The following SPAG16 variants were observed in gnomAD, a reference collection of about 807,000 sequenced individuals.
SPAG16 encodes the protein sperm-associated antigen 16 protein.
SPAG16 carries 86 observed loss-of-function variants against 80.4 expected under a neutral mutation model. The ratio of observed to expected loss-of-function variants is 1.07; its 90% confidence interval spans 0.90 to 1.28. The LOEUF is 1.28. SPAG16 is among the 50% of genes most tolerant of loss of function. The pLI, the probability that SPAG16 is intolerant of heterozygous loss-of-function variation, is 0.00. For synonymous variants in SPAG16, 294 were observed against 265.9 expected, an observed-to-expected ratio of 1.11 and a Z score of -1.03; for missense variants, 870 against 765.3, an observed-to-expected ratio of 1.14 and a Z score of -1.61.
intron 10 of SPAG16, among the ~76,000 whole-genome samples, chr2:213,712,256 C>G (rs1380035577): frequency 2.0e-5 from 3 of 152,072 alleles, no homozygotes; most frequent in Non-Finnish European, 4.4e-5. Flanking sequence ...CATTTTCACT[C>G]ATTTATTATT....
chr2:213,906,001 A>C (rs916849801), intron 11 of SPAG16, among the ~76,000 whole-genome samples: 2 of 152,158 alleles, frequency 1.3e-5, no homozygotes, highest in African/African-American at 2.4e-5. Context: ...TGAATAAATA[A>C]ATTTCCTGTC....
At chr2:213,586,033 G>C (rs1237764893) in intron 10 of SPAG16, among the ~76,000 whole-genome samples, 1 of 152,054 alleles carries the variant, frequency 6.6e-6, no homozygotes, top group African/African-American at 2.4e-5. Context: ...CATGCATTCA[G>C]ATTCCTATTT....
At chr2:214,010,005 G>T (rs1354199928) in intron 12 of SPAG16, among the ~76,000 whole-genome samples, 1 of 147,778 alleles carries the variant, frequency 6.8e-6, no homozygotes, top group East Asian at 1.9e-4. Flanking sequence ...CCTGAGTAAA[G>T]ATATGAAATC....
chr2:213,877,604 C>G (rs1250893279), intron 11 of SPAG16, among the ~76,000 whole-genome samples: 1 of 152,190 alleles, frequency 6.6e-6, no homozygotes, highest in Non-Finnish European at 1.5e-5. Context: ...CATGTGCCAC[C>G]ACTCCCATCC....
intron 11 of SPAG16, among the ~76,000 whole-genome samples, chr2:213,883,724 C>A (rs2076440503): frequency 6.6e-6 from 1 of 152,132 alleles, no homozygotes; most frequent in Admixed American, 6.5e-5. Flanking sequence ...TTGGGGTAGG[C>A]AAGTCTGCTT....
chr2:213,624,054 A>T (rs539213037), intron 10 of SPAG16, among the ~76,000 whole-genome samples: 1 of 152,184 alleles, frequency 6.6e-6, no homozygotes, highest in African/African-American at 2.4e-5. Context: ...ACACCAATTT[A>T]TGGAAAATGC....
chr2:214,128,193 C>A (rs909059463), intron 14 of SPAG16, among the ~76,000 whole-genome samples: 4 of 151,738 alleles, frequency 2.6e-5, no homozygotes, highest in Non-Finnish European at 5.9e-5. Context: ...GGGGGAAAAC[C>A]TCTCAAGTTA....
intron 14 of SPAG16, among the ~76,000 whole-genome samples, chr2:214,115,171 T>C (rs929080422): frequency 3.3e-5 from 5 of 152,216 alleles, no homozygotes; most frequent in African/African-American, 1.2e-4. Context: ...GTTTTAACAA[T>C]TATGTTTTAT....
intron 10 of SPAG16, among the ~76,000 whole-genome samples, chr2:213,658,681 T>C (rs1340995853): frequency 2.6e-5 from 4 of 152,274 alleles, no homozygotes; most frequent in East Asian, 3.9e-4. Flanking sequence ...CACTTAACCA[T>C]AACTGCCAGG....
chr2:213,850,690 T>A (rs2074856685), intron 10 of SPAG16, among the ~76,000 whole-genome samples: 1 of 86,222 alleles, frequency 1.2e-5, no homozygotes. Flanking sequence ...GAAATTCTGT[T>A]TTTTTTTTTA....
intron 10 of SPAG16, among the ~76,000 whole-genome samples, chr2:213,491,863 C>T (rs778721517): frequency 6.6e-6 from 1 of 152,176 alleles, no homozygotes; most frequent in Non-Finnish European, 1.5e-5. Flanking sequence ...TAACAATCTT[C>T]ACTAGTTAGC....
chr2:213,319,171 A>G (rs1004510340), intron 5 of SPAG16, among the ~76,000 whole-genome samples: 9 of 152,000 alleles, frequency 5.9e-5, no homozygotes, highest in Non-Finnish European at 1.3e-4. Context: ...ATATAGTTAA[A>G]GAGGGCCTTT....
At chr2:213,855,402 C>T (rs769369809) in intron 10 of SPAG16, among the ~76,000 whole-genome samples, 7 of 152,226 alleles carry the variant, frequency 4.6e-5, no homozygotes, top group Non-Finnish European at 1.0e-4. Context: ...GGGTGGATCA[C>T]TTAACCTCTA....
chr2:214,406,569 G>A (rs891401086), intron 15 of SPAG16, among the ~76,000 whole-genome samples: 3 of 151,946 alleles, frequency 2.0e-5, no homozygotes, highest in African/African-American at 7.2e-5. Context: ...TAAGATATTA[G>A]TGAAACTACT....
chr2:213,496,742 T>TTA, intron 10 of SPAG16, among the ~76,000 whole-genome samples: 1 of 150,898 alleles, frequency 6.6e-6, no homozygotes, highest in Non-Finnish European at 1.5e-5. Context: ...AAGTACTTAA[T>TTA]TATATATATC....
chr2:213,411,918 A>C (rs1248384935), intron 9 of SPAG16, among the ~76,000 whole-genome samples: 3 of 152,058 alleles, frequency 2.0e-5, no homozygotes, highest in Non-Finnish European at 4.4e-5. Flanking sequence ...AAAGGTTTGA[A>C]AAGAAAACTA....
chr2:213,692,184 C>A (rs1400607959), intron 10 of SPAG16, among the ~76,000 whole-genome samples: 4 of 152,006 alleles, frequency 2.6e-5, no homozygotes, highest in Admixed American at 2.6e-4. Flanking sequence ...TGAAACCAAT[C>A]ATAATGAAAA....
At chr2:213,431,152 T>TA (rs1472903346) in intron 9 of SPAG16, among the ~76,000 whole-genome samples, 1 of 151,868 alleles carries the variant, frequency 6.6e-6, no homozygotes, top group Admixed American at 6.6e-5. Flanking sequence ...ATAACACAAT[T>TA]ACCCAAAGGA....
chr2:213,842,138 C>T (rs1257090896), intron 10 of SPAG16, among the ~76,000 whole-genome samples: 1 of 151,906 alleles, frequency 6.6e-6, no homozygotes, highest in Non-Finnish European at 1.5e-5. Context: ...AATTTTTTTT[C>T]CAAAGGCAAA....
Sources: gnomAD v4.1 joint callset for allele counts (sites outside exome capture counted in the v4.1 genomes callset) on GRCh38, gnomAD v4.1.1 for gene constraint, MANE v1.5 for transcripts, NCBI Gene and HGNC (gene_info 2026-07-23, HGNC 2026-07-21) for gene names.